The following ADAM12 variants were observed in gnomAD, a reference collection of about 807,000 sequenced individuals.
ADAM12 encodes ADAM metallopeptidase domain 12, also known as disintegrin and metalloproteinase domain-containing protein 12.
In ADAM12, 70 loss-of-function variants were observed where a neutral mutation model predicts 106.4. The ratio of observed to expected loss-of-function variants is 0.66; its 90% CI spans 0.54 to 0.80. The LOEUF (loss-of-function observed/expected upper bound fraction) is 0.80. Among genes scored for constraint, ADAM12 ranks in the 30% least tolerant of loss-of-function variants. The probability of loss-of-function intolerance (pLI) is 0.00; values close to 1 mark genes in which losing one functional copy is unlikely to be tolerated. For missense variants in ADAM12, 1,010 were observed against 1,171.9 expected (o/e 0.86, Z 2.02); for synonymous variants, 420 against 433.5 (o/e 0.97, Z 0.39).
rs2133372668 is a variant in ADAM12 at position 126,019,726 on chromosome 10, A to G, written c.2629T>C (p.Trp877Arg). 1 of 1,614,028 alleles carries G rather than the reference A, an allele frequency of 6.2e-7. No individual in the cohort carries two copies. Among genetic ancestry groups the G allele is most frequent in the Non-Finnish European group, 8.5e-7 (1 of 1,179,920 alleles). Residue 877 changes from tryptophan to arginine, a missense_variant, in exon 22 of 23, where the codon TGG becomes CGG. Coordinates refer to ENST00000448723, the MANE Select transcript of ADAM12 (RefSeq NM_001288973.2). ...THALARTPGQWETGLRLAPLR... is the reference protein window; with the variant it reads ...THALARTPGQRETGLRLAPLR... ...GGTGCCAGGCGGAGCCCAGTCTCCC[A>G]TTGTCCTGGGGTCCTGGCCAAGGCA... is the stretch of plus-strand genomic sequence containing the variant.
At chr10:126,273,747 A>G (rs1310597457) in intron 3 of ADAM12, among the ~76,000 whole-genome samples, 1 of 152,162 alleles carries the variant, frequency 6.6e-6, no homozygotes, top group Non-Finnish European at 1.5e-5. Context: ...ACATAATATA[A>G]TTCGGTAAAA....
At chr10:126,152,118 A>G (rs1178064325) in intron 4 of ADAM12, among the ~76,000 whole-genome samples, 1 of 151,638 alleles carries the variant, frequency 6.6e-6, no homozygotes, top group African/African-American at 2.4e-5. Flanking sequence ...ATGTGTCCAG[A>G]CATTTTCAGT....
At chr10:126,204,085 T>A (rs1313745227) in intron 3 of ADAM12, among the ~76,000 whole-genome samples, 2 of 152,208 alleles carry the variant, frequency 1.3e-5, no homozygotes, top group African/African-American at 4.8e-5. Context: ...ATGCTTTGGC[T>A]GCTGAACCCC....
intron 6 of ADAM12, among the ~76,000 whole-genome samples, chr10:126,112,474 T>A (rs1236163673): frequency 6.6e-6 from 1 of 152,158 alleles, no homozygotes; most frequent in Non-Finnish European, 1.5e-5. Context: ...GCCTCTGGGA[T>A]TAGCCCAAAA....
At chr10:126,120,452 G>C (rs749079435) in intron 5 of ADAM12, among the ~76,000 whole-genome samples, 32 of 152,158 alleles carry the variant, frequency 2.1e-4, no homozygotes, top group Admixed American at 2.6e-4. Flanking sequence ...ACAATGGCCT[G>C]GGACAAAGTC....
chr10:126,202,139 C>T (rs1163621329), intron 3 of ADAM12, among the ~76,000 whole-genome samples: 1 of 152,260 alleles, frequency 6.6e-6, no homozygotes, highest in African/African-American at 2.4e-5. Flanking sequence ...TCTTCTTCCA[C>T]TGTGGCTGGA....
chr10:126,080,383 G>A (rs577429321), intron 11 of ADAM12, among the ~76,000 whole-genome samples: 155 of 152,272 alleles, frequency 1.0e-3, no homozygotes, highest in African/African-American at 3.6e-3. Context: ...ACATGTGCCA[G>A]GACAGCAGCT....
chr10:126,299,362 T>G (rs1290624267), intron 2 of ADAM12, among the ~76,000 whole-genome samples: 1 of 152,200 alleles, frequency 6.6e-6, no homozygotes, highest in African/African-American at 2.4e-5. Flanking sequence ...TTTCAACAAA[T>G]CTGTTGAGCA....
chr10:126,067,956 C>T (rs184139611), intron 12 of ADAM12, among the ~76,000 whole-genome samples: 1 of 152,162 alleles, frequency 6.6e-6, no homozygotes, highest in African/African-American at 2.4e-5. Flanking sequence ...AACCCAGATA[C>T]TGAAACTATA....
chr10:126,244,580 A>G (rs1267621647), intron 3 of ADAM12, among the ~76,000 whole-genome samples: 2 of 152,218 alleles, frequency 1.3e-5, no homozygotes. Flanking sequence ...CTTCAGCAGG[A>G]AAGTGTCACT....
intron 3 of ADAM12, among the ~76,000 whole-genome samples, chr10:126,277,766 T>G (rs889267793): frequency 6.6e-6 from 1 of 152,062 alleles, no homozygotes; most frequent in African/African-American, 2.4e-5. Flanking sequence ...ATCTATTTAA[T>G]GGTGAGCAGT....
intron 22 of ADAM12, among the ~76,000 whole-genome samples, chr10:126,019,200 T>C (rs1478175638): frequency 2.0e-5 from 3 of 152,178 alleles, no homozygotes; most frequent in Non-Finnish European, 2.9e-5. Flanking sequence ...CCTTCCGCCA[T>C]GATTGTAAGT....
At chr10:126,274,193 G>C (rs2133743221) in intron 3 of ADAM12, among the ~76,000 whole-genome samples, 1 of 152,312 alleles carries the variant, frequency 6.6e-6, no homozygotes, top group Admixed American at 6.5e-5. Context: ...ATGGTTGGCG[G>C]AAGAGGAAAG....
rs569426743 is a variant in ADAM12, at chr10:126,342,860, C to T, written c.89-12351G>A. ...TTTCTCCTTTCGGCGTCTGATCACA[C>T]AGTGTAGCACCATAAATCAACAAGG... is the stretch of plus-strand genomic sequence containing the variant. On this transcript the variant is annotated intron_variant, in intron 1 of 22. Coordinates refer to ENST00000448723, the MANE Select transcript of ADAM12 (RefSeq NM_001288973.2). Among the ~76,000 whole-genome samples, 10 of 150,896 alleles carry T rather than the reference C, an allele frequency of 6.6e-5. No individual in the cohort carries two copies. In the South Asian group the frequency reaches 2.1e-3, roughly 32 times the overall value.
At chr10:126,057,702 A>G (rs887438071) in intron 14 of ADAM12, among the ~76,000 whole-genome samples, 1 of 152,162 alleles carries the variant, frequency 6.6e-6, no homozygotes, top group Non-Finnish European at 1.5e-5. Flanking sequence ...AACTCCTTCC[A>G]GAACCACACA....
chr10:126,274,159 C>G (rs546418578), intron 3 of ADAM12, among the ~76,000 whole-genome samples: 1 of 152,280 alleles, frequency 6.6e-6, no homozygotes, highest in East Asian at 1.9e-4. Flanking sequence ...GCCACGCTGT[C>G]CTACCCCTGA....
At chr10:126,246,458 T>A (rs1370702049) in intron 3 of ADAM12, among the ~76,000 whole-genome samples, 1 of 152,212 alleles carries the variant, frequency 6.6e-6, no homozygotes, top group African/African-American at 2.4e-5. Context: ...CCAATATCCT[T>A]GATGAACATC....
intron 19 of ADAM12, among the ~76,000 whole-genome samples, 158 bp downstream of exon 19, chr10:126,039,136 T>C (rs1954113506): frequency 6.6e-6 from 1 of 151,642 alleles, no homozygotes; most frequent in Non-Finnish European, 1.5e-5. Flanking sequence ...ATATTTTGTA[T>C]TTTTAGTAGA....
intron 3 of ADAM12, among the ~76,000 whole-genome samples, chr10:126,261,989 A>G (rs756879816): frequency 2.0e-5 from 3 of 151,914 alleles, no homozygotes; most frequent in Admixed American, 6.6e-5. Context: ...CTAAATCAAA[A>G]CCTATAGATT....
Sources: gnomAD v4.1 joint callset for allele counts (sites outside exome capture counted in the v4.1 genomes callset) on GRCh38, gnomAD v4.1.1 for gene constraint, MANE v1.5 for transcripts, NCBI Gene and HGNC (gene_info 2026-07-23, HGNC 2026-07-21) for gene names.